The following CHSY1 variants were observed in gnomAD, a reference collection of about 807,000 sequenced individuals.
CHSY1 encodes the protein N-acetylgalactosaminyl-proteoglycan 3-beta-glucuronosyltransferase 1.
Under a neutral mutation model 59.8 loss-of-function variants are expected in CHSY1, and 13 were observed. The observed-to-expected ratio is 0.22, with a 90% CI of 0.14 to 0.35. The LOEUF (loss-of-function observed/expected upper bound fraction) is 0.35. CHSY1 is among the 10% of genes least tolerant of loss of function. The pLI is 1.00. For synonymous variants in CHSY1, 459 were observed against 401.2 expected (o/e 1.14, Z -1.72); for missense variants, 947 against 1,030.6 (o/e 0.92, Z 1.11).
intron 1 of CHSY1, among the ~76,000 whole-genome samples, chr15:101,250,871 G>A (rs530068289): frequency 6.6e-6 from 1 of 152,306 alleles, no homozygotes; most frequent in South Asian, 2.1e-4. Context: ...AAAGGCTAAA[G>A]TGCCTTCATC....
intron 1 of CHSY1, among the ~76,000 whole-genome samples, chr15:101,238,449 TC>T (rs2141277643): frequency 6.6e-6 from 1 of 152,364 alleles, no homozygotes; most frequent in East Asian, 1.9e-4. Flanking sequence ...AATTCGACTT[TC>T]TGCCAACACG....
intron 1 of CHSY1, among the ~76,000 whole-genome samples, chr15:101,239,620 A>C (rs570001412): frequency 6.6e-6 from 1 of 152,266 alleles, no homozygotes; most frequent in African/African-American, 2.4e-5. Context: ...TTGCAAATCA[A>C]ATAAGGTAGT....
intron 1 of CHSY1, among the ~76,000 whole-genome samples, chr15:101,235,864 T>G (rs1467413086): frequency 5.9e-5 from 9 of 152,168 alleles, no homozygotes; most frequent in Non-Finnish European, 1.0e-4. Flanking sequence ...GGTCTGGGTA[T>G]ACAGATTAAT....
intron 2 of CHSY1, among the ~76,000 whole-genome samples, chr15:101,214,896 T>C (rs1056528616): frequency 1.3e-5 from 2 of 151,736 alleles, no homozygotes; most frequent in African/African-American, 2.4e-5. Flanking sequence ...GGCTGGATCA[T>C]GGAGGTGGAT....
intron 2 of CHSY1, among the ~76,000 whole-genome samples, chr15:101,205,900 C>G (rs559847083): frequency 6.6e-6 from 1 of 151,234 alleles, no homozygotes; most frequent in African/African-American, 2.4e-5. Context: ...TGCAGTGAGC[C>G]GAGATAGCGC....
intron 1 of CHSY1, among the ~76,000 whole-genome samples, chr15:101,245,616 G>C (rs572908857): frequency 6.6e-6 from 1 of 152,250 alleles, no homozygotes; most frequent in Non-Finnish European, 1.5e-5. Flanking sequence ...CGGTGCAATG[G>C]AAACAGTCAC....
At chr15:101,218,060 A>C (rs928413533) in intron 2 of CHSY1, among the ~76,000 whole-genome samples, 1 of 152,236 alleles carries the variant, frequency 6.6e-6, no homozygotes, top group East Asian at 1.9e-4. Flanking sequence ...AGAAATCCAT[A>C]ACGCCAATCT....
In CHSY1 at chr15:101,236,068, G is replaced by A. The variant is rs544352051; in HGVS notation, c.321-491C>T. Among the ~76,000 whole-genome samples the A allele has an allele frequency of 3.3e-5, 5 of 152,258 alleles. No individual in the cohort carries two copies. In the East Asian group the frequency reaches 9.6e-4, roughly 29 times the overall value. On this transcript the variant is annotated intron_variant, in intron 1 of 2. Coordinates refer to ENST00000254190, the MANE Select transcript of CHSY1 (RefSeq NM_014918.5). ...CATCAGGAGAGACAGACACTTACCA[G>A]AATAATGAGACTAATGTATATATTA...
intron 2 of CHSY1, among the ~76,000 whole-genome samples, chr15:101,224,404 C>T (rs2038819244): frequency 6.6e-6 from 1 of 152,104 alleles, no homozygotes. Flanking sequence ...CTAGAAAGAC[C>T]CAGGGCTAAA....
At chr15:101,234,325 C>T (rs1404304630) in intron 2 of CHSY1, among the ~76,000 whole-genome samples, 2 of 152,164 alleles carry the variant, frequency 1.3e-5, no homozygotes, top group Non-Finnish European at 2.9e-5. Context: ...ACCATGATTC[C>T]TTTTATAAAT....
At chr15:101,245,883 T>C (rs183470049) in intron 1 of CHSY1, among the ~76,000 whole-genome samples, 7 of 152,346 alleles carry the variant, frequency 4.6e-5, no homozygotes, top group African/African-American at 1.2e-4. Context: ...GCCTTCTGTA[T>C]AAATGTTTGC....
chr15:101,248,225 G>A (rs1420093967), intron 1 of CHSY1, among the ~76,000 whole-genome samples: 5 of 152,142 alleles, frequency 3.3e-5, no homozygotes, highest in Non-Finnish European at 7.3e-5. Context: ...AGCTCAGTGT[G>A]GACTTTTGGT....
intron 2 of CHSY1, among the ~76,000 whole-genome samples, chr15:101,231,369 A>G (rs2038890939): frequency 6.6e-6 from 1 of 152,236 alleles, no homozygotes; most frequent in African/African-American, 2.4e-5. Flanking sequence ...AATTGTTTGT[A>G]TATGATATGA....
At position 101,210,256 on chromosome 15, in the gene CHSY1, G is replaced by T. The variant is rs919156971; in HGVS notation, c.816+24826C>A. On this transcript the variant is annotated intron_variant, in intron 2 of 2. Coordinates refer to ENST00000254190, the MANE Select transcript of CHSY1 (RefSeq NM_014918.5). ...TAAGGCCTATTATAGCCACAATTCT[G>T]CATAATGTGCAAAGCAAAAGTGCTT... Among the ~76,000 whole-genome samples the T allele has an allele frequency of 2.0e-5, 3 of 152,286 alleles. No individual in the cohort carries two copies. The East Asian group carries it at 5.8e-4, about 29-fold the overall frequency.
chr15:101,251,417 G>C lies in CHSY1; in HGVS notation c.40C>G (p.Leu14Val). 1 of 1,131,886 alleles carries C rather than the reference G, an allele frequency of 8.8e-7. No homozygotes were observed. The highest frequency in any genetic ancestry group is 1.1e-6 in the Non-Finnish European group (1 of 907,128). The allele number at this position is 1,131,886 out of a possible 1,614,324, so 70.1% of individuals were successfully genotyped here. Residue 14 changes from leucine to valine, a missense_variant, in exon 1 of 3, where the codon CTC becomes GTC. Physicochemically the swap from Leu to Val is conservative, Grantham distance 32. Around this residue, in one of 4 missense-constraint regions of CHSY1, gnomAD observed 232 missense variants for 188.5 expected, o/e 1.23. Transcript: ENST00000254190. Reference sequence around the variant, plus strand: ...AGCACGAAGCCCAGGACGAGCCCGAGCAGCACGCTGAGCCAGGCGCGCCGG... The same window carrying C: ...AGCACGAAGCCCAGGACGAGCCCGACCAGCACGCTGAGCCAGGCGCGCCGG... ...RGRRAWLSVL[L>V]GLVLGFVLAS...
In CHSY1 at chr15:101,245,051, G is replaced by A. The variant is rs563214977; in HGVS notation, c.320+6086C>T. 7.2e-5 allele frequency among the ~76,000 whole-genome samples: 11 copies of A among 152,252 alleles called. No individual in the cohort carries two copies. The East Asian group carries it at 1.9e-3, about 27-fold the overall frequency. On this transcript the variant is annotated intron_variant, in intron 1 of 2. Transcript: ENST00000254190. ...TCCTGTCCAGCTCTAGCTAGGTACC[G>A]GTACTTGACCAACTCTAGCCACCCT... is the stretch of plus-strand genomic sequence containing the variant.
intron 2 of CHSY1, among the ~76,000 whole-genome samples, chr15:101,197,837 G>A (rs2038524766): frequency 6.6e-6 from 1 of 152,114 alleles, no homozygotes; most frequent in African/African-American, 2.4e-5. Flanking sequence ...TTGTGCAATA[G>A]CATTTCTTAA....
At chr15:101,216,820 C>T (rs1007220509) in intron 2 of CHSY1, among the ~76,000 whole-genome samples, 2 of 152,186 alleles carry the variant, frequency 1.3e-5, no homozygotes, top group South Asian at 2.1e-4. Flanking sequence ...ACACATAACA[C>T]TGCATTTGTC....
At chr15:101,210,572 G>T (rs77450617) in intron 2 of CHSY1, among the ~76,000 whole-genome samples, 74 of 152,292 alleles carry the variant, frequency 4.9e-4, no homozygotes, top group African/African-American at 1.8e-3. Flanking sequence ...CGAAATGGAG[G>T]AAAGTGGAGG....
Sources: allele counts gnomAD v4.1 joint callset (sites outside exome capture counted in the v4.1 genomes callset), GRCh38; gene constraint gnomAD v4.1.1; regional missense constraint gnomAD v4.1.1; transcripts MANE v1.5; gene names NCBI Gene and HGNC (gene_info 2026-07-23, HGNC 2026-07-21).